FLI1: variants seen among roughly 807,000 people sequenced by gnomAD.
FLI1 encodes Fli-1 proto-oncogene, ETS transcription factor.
A neutral mutation model predicts 53.1 loss-of-function variants in FLI1; 13 were observed. That is an observed-to-expected ratio of 0.24 (90% CI 0.16 to 0.39). The LOEUF (loss-of-function observed/expected upper bound fraction) is 0.39, where lower values mean the gene tolerates loss of function less well. Ranked by LOEUF, FLI1 falls within the 10% of genes least tolerant of loss-of-function variation. The probability of loss-of-function intolerance (pLI) is 1.00; values close to 1 mark genes in which losing one functional copy is unlikely to be tolerated. For missense variants in FLI1, 424 were observed against 600.5 expected (o/e 0.71, Z 3.07); for synonymous variants, 244 against 236.7 (o/e 1.03, Z -0.28).
chr11:128,704,648 A>C (rs555213977), intron 1 of FLI1, among the ~76,000 whole-genome samples: 3 of 152,332 alleles, frequency 2.0e-5, no homozygotes, highest in Admixed American at 2.0e-4. Flanking sequence ...GTTTTCTGGA[A>C]GGCTTTGTTT....
At chr11:128,725,894 G>A (rs1939455176) in intron 1 of FLI1, among the ~76,000 whole-genome samples, 1 of 152,206 alleles carries the variant, frequency 6.6e-6, no homozygotes, top group African/African-American at 2.4e-5. Flanking sequence ...TTGACAGTGA[G>A]GAGGAATTCA....
intron 5 of FLI1, among the ~76,000 whole-genome samples, chr11:128,800,297 G>GAGAAGTTTCAGGGAAAATTCATCTTT (rs1285595953): frequency 7.2e-5 from 11 of 152,286 alleles, no homozygotes; most frequent in Non-Finnish European, 1.3e-4. Flanking sequence ...GAAATTCAAT[G>GAGAAGTTTCAGGGAAAATTCATCTTT]AGAAGTTTCA....
chr11:128,798,274 A>C (rs1301103156), intron 5 of FLI1, among the ~76,000 whole-genome samples: 1 of 152,192 alleles, frequency 6.6e-6, no homozygotes, highest in Non-Finnish European at 1.5e-5. Context: ...ATTCCACATG[A>C]GGCTGGCTCA....
chr11:128,750,756 T>C (rs2135793766), intron 1 of FLI1, among the ~76,000 whole-genome samples: 1 of 152,290 alleles, frequency 6.6e-6, no homozygotes, highest in South Asian at 2.1e-4. Flanking sequence ...TTTGACTTAA[T>C]CTAAGGAAAA....
At chr11:128,807,549 A>G (rs1473189581) in intron 7 of FLI1, among the ~76,000 whole-genome samples, 1 of 152,246 alleles carries the variant, frequency 6.6e-6, no homozygotes, top group Non-Finnish European at 1.5e-5. Flanking sequence ...CTGGTTAATG[A>G]AAGAAATAGG....
chr11:128,766,613 G>A lies in FLI1; in HGVS notation c.231-1505G>A, dbSNP rs12293965. Reference sequence around the variant, plus strand: ...TTATTGAATGTGCTCAGGCCTCCCCGCCCTGCCTGGGTCTCAGGAAGCCCT... The same window carrying A: ...TTATTGAATGTGCTCAGGCCTCCCCACCCTGCCTGGGTCTCAGGAAGCCCT... On this transcript the variant is annotated intron_variant, in intron 2 of 8. Coordinates refer to ENST00000527786, the MANE Select transcript of FLI1 (RefSeq NM_002017.5). Among the ~76,000 whole-genome samples, 725 of 151,752 alleles carry A rather than the reference G, an allele frequency of 4.8e-3. 7 individuals are homozygous for A. The highest frequency in any genetic ancestry group is 0.016 in the African/African-American group (665 of 41,374).
At chr11:128,783,958 T>C (rs1167755436) in intron 5 of FLI1, among the ~76,000 whole-genome samples, 1 of 145,246 alleles carries the variant, frequency 6.9e-6, no homozygotes, top group African/African-American at 2.6e-5. Flanking sequence ...GGAAGGAAGA[T>C]AGGGAGGGAG....
upstream of FLI1, chr11:128,686,516 C>T (rs778969514): frequency 6.6e-6 from 3 of 456,624 alleles, no homozygotes; most frequent in South Asian, 3.1e-5. Context: ...CTAGGCGGAT[C>T]TGAGCTTCCC....
At chr11:128,769,323 G>A (rs1941468070) in intron 3 of FLI1, among the ~76,000 whole-genome samples, 2 of 152,196 alleles carry the variant, frequency 1.3e-5, no homozygotes, top group Non-Finnish European at 2.9e-5. Context: ...TTACAGGGCA[G>A]GGATTAAACC....
chr11:128,791,286 A>G (rs1942261995), intron 5 of FLI1, among the ~76,000 whole-genome samples: 1 of 151,984 alleles, frequency 6.6e-6, no homozygotes, highest in Non-Finnish European at 1.5e-5. Flanking sequence ...CTTCAACCAC[A>G]CTTTGGAATA....
At chr11:128,711,657 T>C (rs978232942) in intron 1 of FLI1, among the ~76,000 whole-genome samples, 14 of 152,244 alleles carry the variant, frequency 9.2e-5, no homozygotes, top group Admixed American at 6.5e-4. Flanking sequence ...ATCCCTATTA[T>C]ACATAATGGC....
chr11:128,709,973 A>C (rs1029797138), intron 1 of FLI1, among the ~76,000 whole-genome samples: 1 of 152,216 alleles, frequency 6.6e-6, no homozygotes, highest in African/African-American at 2.4e-5. Flanking sequence ...CTTTGGTGTG[A>C]GTGAAGGGAC....
chr11:128,694,313 C>T (rs759119632), intron 1 of FLI1, 37 bp downstream of exon 1: 8 of 1,320,842 alleles, frequency 6.1e-6, no homozygotes, highest in African/African-American at 1.5e-5. Context: ...CGGCGGGGAC[C>T]GGCCGGGGAG....
intron 5 of FLI1, among the ~76,000 whole-genome samples, chr11:128,786,526 G>A (rs868827180): frequency 2.0e-5 from 3 of 152,182 alleles, no homozygotes; most frequent in African/African-American, 7.2e-5. Context: ...GAAGGATACT[G>A]GGGTTGCAGA....
intron 1 of FLI1, among the ~76,000 whole-genome samples, chr11:128,713,542 A>G (rs1465112329): frequency 6.6e-6 from 1 of 151,902 alleles, no homozygotes; most frequent in East Asian, 1.9e-4. Context: ...AGCTGCTTCT[A>G]TGTGCCAGGT....
At chr11:128,702,540 C>T (rs1938378286) in intron 1 of FLI1, among the ~76,000 whole-genome samples, 1 of 152,212 alleles carries the variant, frequency 6.6e-6, no homozygotes. Flanking sequence ...CTGATTCTCC[C>T]TTTCTCAGCT....
In FLI1 at chr11:128,811,951, T is replaced by C. The variant is rs1481435337; in HGVS notation, c.*963T>C. ...AAAAGCAGTTTTACTATCGAATCAA[T>C]CGCTGTTATTTTTTTTAATGTAATT... On this transcript the variant is annotated 3_prime_UTR_variant, in exon 9 of 9. Transcript: ENST00000527786. 2 of 201,284 alleles carry C rather than the reference T, an allele frequency of 9.9e-6. No homozygotes were observed. The highest frequency in any genetic ancestry group is 2.0e-5 in the Non-Finnish European group (2 of 97,692). 12.5% of individuals were successfully genotyped at this position (201,284 alleles called of 1,614,324 possible). A position where few individuals can be genotyped will look rare whatever the true frequency, so the allele number is the denominator to read the frequency against.
intron 1 of FLI1, among the ~76,000 whole-genome samples, chr11:128,723,245 C>A (rs930042473): frequency 2.0e-5 from 3 of 152,082 alleles, no homozygotes; most frequent in Non-Finnish European, 4.4e-5. Flanking sequence ...CACCATGGCA[C>A]AATTAAAGAG....
rs41302405 is a variant in FLI1 at position 128,811,388 on chromosome 11, G to T, written c.*400G>T. On this transcript the variant is annotated 3_prime_UTR_variant, in exon 9 of 9. Transcript: ENST00000527786. Reference sequence around the variant, plus strand: ...TGACACAGAATCATGGACTTAACCCGTCATGTTCTGGTTTGAGATTTAGTG... The same window carrying T: ...TGACACAGAATCATGGACTTAACCCTTCATGTTCTGGTTTGAGATTTAGTG... 288 of 259,842 alleles carry T rather than the reference G, an allele frequency of 1.1e-3. 2 individuals carry two copies. The highest frequency in any genetic ancestry group is 4.7e-3 in the South Asian group (40 of 8,574). The allele number at this position is 259,842 out of a possible 1,614,324, so 16.1% of individuals were successfully genotyped here. A position where few individuals can be genotyped will look rare whatever the true frequency, so the allele number is the denominator to read the frequency against.
Sources: allele counts gnomAD v4.1 joint callset (sites outside exome capture counted in the v4.1 genomes callset), GRCh38; gene constraint gnomAD v4.1.1; transcripts MANE v1.5; gene names NCBI Gene and HGNC (gene_info 2026-07-23, HGNC 2026-07-21).